ADARB2: variants seen among roughly 807,000 people sequenced by gnomAD.
The protein encoded by ADARB2 is inactive double-stranded RNA-specific editase B2.
A neutral mutation model predicts 62.2 loss-of-function variants in ADARB2; 25 were observed. The observed-to-expected ratio is 0.40, with a 90% CI of 0.29 to 0.56. ADARB2 has a LOEUF of 0.56. Ranked by LOEUF, ADARB2 falls within the 20% of genes least tolerant of loss-of-function variation. The pLI is 0.43. For missense variants in ADARB2, 1,071 were observed against 1,077.4 expected, an observed-to-expected ratio of 0.99 and a Z score of 0.08; for synonymous variants, 572 against 500.8, an observed-to-expected ratio of 1.14 and a Z score of -1.90.
intron 1 of ADARB2, among the ~76,000 whole-genome samples, chr10:1,550,490 A>G (rs946323970): frequency 9.2e-5 from 14 of 152,164 alleles, no homozygotes; most frequent in Admixed American, 7.2e-4. Flanking sequence ...GAGTCAACAC[A>G]TTTTTGCAGC....
intron 1 of ADARB2, among the ~76,000 whole-genome samples, chr10:1,468,041 A>G (rs1262306368): frequency 6.6e-6 from 1 of 152,228 alleles, no homozygotes; most frequent in Non-Finnish European, 1.5e-5. Context: ...GCTATTTATA[A>G]TAGGGGCTTC....
chr10:1,721,471 C>T (rs1001604192), intron 1 of ADARB2, among the ~76,000 whole-genome samples: 1 of 152,164 alleles, frequency 6.6e-6, no homozygotes, highest in Non-Finnish European at 1.5e-5. Context: ...ATTAGGTGGG[C>T]TTGCTGTGTG....
chr10:1,389,559 A>G (rs1286675342), intron 1 of ADARB2, among the ~76,000 whole-genome samples: 2 of 152,162 alleles, frequency 1.3e-5, no homozygotes, highest in South Asian at 2.1e-4. Flanking sequence ...CCTGGGCCAC[A>G]TGGTAAAACC....
intron 1 of ADARB2, among the ~76,000 whole-genome samples, chr10:1,669,455 G>A (rs555117994): frequency 6.7e-6 from 1 of 149,630 alleles, no homozygotes; most frequent in East Asian, 2.0e-4. Flanking sequence ...CACACAAACA[G>A]GGAGACACAA....
chr10:1,335,409 GGGATGGAGGGAA>G (rs1030459889), intron 3 of ADARB2, among the ~76,000 whole-genome samples: 1 of 150,252 alleles, frequency 6.7e-6, no homozygotes, highest in Non-Finnish European at 1.5e-5. Flanking sequence ...GATGACGGAA[GGGATGGAGGGAA>G]GGATGGAGGG....
At chr10:1,399,692 G>A (rs1832646314) in intron 1 of ADARB2, among the ~76,000 whole-genome samples, 1 of 152,140 alleles carries the variant, frequency 6.6e-6, no homozygotes, top group African/African-American at 2.4e-5. Flanking sequence ...CTACGTTCAG[G>A]GTTTTTGTAA....
At chr10:1,443,379 C>G (rs79924428) in intron 1 of ADARB2, among the ~76,000 whole-genome samples, 1 of 152,038 alleles carries the variant, frequency 6.6e-6, no homozygotes, top group Non-Finnish European at 1.5e-5. Context: ...ATTATGCAGG[C>G]GAATTAATTC....
At chr10:1,366,596 CAG>C (rs1200520367) in intron 2 of ADARB2, among the ~76,000 whole-genome samples, 1 of 152,174 alleles carries the variant, frequency 6.6e-6, no homozygotes, top group Non-Finnish European at 1.5e-5. Context: ...ACTGAGGTTG[CAG>C]AGTTTATTAG....
rs140800577 is a variant in ADARB2 at position 1,217,055 on chromosome 10, C to T, written c.1578G>A (p.Gly526=). The part of the protein sequence containing the change: ...RGHLRTKIES[G]EGTVPVRGPS... ...GGCCACGCACGGGGACCGTCCCTTC[C>T]CCGGACTCGATCTTGGTGCGCAGGT... The change falls in exon 7 of 10, where the codon GGG becomes GGA. Residue 526 remains glycine, a synonymous_variant. Coordinates refer to ENST00000381312, the MANE Select transcript of ADARB2 (RefSeq NM_018702.4). 142 of 1,610,444 alleles carry T rather than the reference C, an allele frequency of 8.8e-5. 1 individual carries two copies. In the African/African-American group the frequency reaches 1.6e-3, roughly 18 times the overall value.
chr10:1,514,194 T>TATATATATATATAC (rs1306245692), intron 1 of ADARB2, among the ~76,000 whole-genome samples: 1 of 135,752 alleles, frequency 7.4e-6, no homozygotes, highest in African/African-American at 2.6e-5. Context: ...TATATATATA[T>TATATATATATATAC]ATGTATATTA....
intron 4 of ADARB2, among the ~76,000 whole-genome samples, chr10:1,267,830 G>A (rs188998415): frequency 6.6e-6 from 1 of 152,166 alleles, no homozygotes; most frequent in Admixed American, 6.5e-5. Flanking sequence ...GTTCTGCTTG[G>A]CTCTGTAGTG....
intron 1 of ADARB2, among the ~76,000 whole-genome samples, chr10:1,407,619 CG>C (rs1449590015): frequency 6.6e-6 from 1 of 152,216 alleles, no homozygotes; most frequent in East Asian, 1.9e-4. Flanking sequence ...TGCCCTTCCT[CG>C]GGGCATAGTC....
At chr10:1,243,012 A>G (rs1324170224) in intron 4 of ADARB2, among the ~76,000 whole-genome samples, 1 of 152,248 alleles carries the variant, frequency 6.6e-6, no homozygotes, top group African/African-American at 2.4e-5. Flanking sequence ...GTGCTCTAAC[A>G]GGTCTGTGTG....
chr10:1,260,486 C>G (rs1024846215), intron 4 of ADARB2, among the ~76,000 whole-genome samples: 10 of 151,104 alleles, frequency 6.6e-5, no homozygotes, highest in Non-Finnish European at 1.5e-4. Context: ...ACAAAAATCA[C>G]AAGCATTCTT....
intron 1 of ADARB2, among the ~76,000 whole-genome samples, chr10:1,678,619 G>A (rs1834498661): frequency 6.6e-6 from 1 of 152,120 alleles, no homozygotes; most frequent in South Asian, 2.1e-4. Flanking sequence ...CCTCCCTGGA[G>A]TCCCTTTTAC....
At chr10:1,404,138 C>G (rs1012088330) in intron 1 of ADARB2, among the ~76,000 whole-genome samples, 3 of 152,246 alleles carry the variant, frequency 2.0e-5, no homozygotes, top group Admixed American at 6.5e-5. Context: ...CACCTAGGTG[C>G]TTTCCTAAAG....
In ADARB2 at chr10:1,192,212, T is replaced by C. The variant is rs1300257022; in HGVS notation, c.1865-7173A>G. 2.6e-5 allele frequency among the ~76,000 whole-genome samples: 4 copies of C among 152,246 alleles called. No homozygotes were observed. In the East Asian group the frequency reaches 7.7e-4, roughly 29 times the overall value. ...ACACAAGACATCTCAGGAGTATAAT[T>C]TTTACATGCAGTGAGGCAAGTCTGT... On this transcript the variant is annotated intron_variant, in intron 8 of 9. Transcript: ENST00000381312.
chr10:1,205,426 G>A (rs916051736), intron 7 of ADARB2, among the ~76,000 whole-genome samples: 3 of 126,716 alleles, frequency 2.4e-5, no homozygotes, highest in Non-Finnish European at 1.8e-5. Context: ...ACTGGAGCCC[G>A]TGGCACAGCC....
chr10:1,257,446 C>G (rs747466575), intron 4 of ADARB2, among the ~76,000 whole-genome samples: 3 of 152,254 alleles, frequency 2.0e-5, no homozygotes, highest in Non-Finnish European at 2.9e-5. Flanking sequence ...GACCCCACTT[C>G]CCTTCCTCTT....
Sources: gnomAD v4.1 joint callset for allele counts (sites outside exome capture counted in the v4.1 genomes callset) on GRCh38, gnomAD v4.1.1 for gene constraint, MANE v1.5 for transcripts, NCBI Gene and HGNC (gene_info 2026-07-23, HGNC 2026-07-21) for gene names.